Variants in PATJ observed in about 807,000 individuals in gnomAD.
The protein encoded by PATJ is inaD-like protein.
PATJ carries 190 observed loss-of-function variants against 224.9 expected under a neutral mutation model. The observed-to-expected ratio is 0.84, with a 90% CI of 0.75 to 0.95. The LOEUF is 0.95. PATJ is among the 40% of genes least tolerant of loss of function. The pLI is 0.00. For missense variants in PATJ, 2,121 were observed against 2,270.3 expected (o/e 0.93, Z 1.34); for synonymous variants, 769 against 820.3 (o/e 0.94, Z 1.07).
chr1:62,064,642 A>G (rs1656096974), intron 31 of PATJ, among the ~76,000 whole-genome samples: 1 of 152,118 alleles, frequency 6.6e-6, no homozygotes, highest in Non-Finnish European at 1.5e-5. Context: ...AAGTGTTTTT[A>G]AAGTGCTGGT....
intron 24 of PATJ, among the ~76,000 whole-genome samples, chr1:61,902,592 T>C (rs941834027): frequency 6.6e-6 from 1 of 152,216 alleles, no homozygotes; most frequent in African/African-American, 2.4e-5. Flanking sequence ...CTTGTCTGTA[T>C]ATACAAATGT....
chr1:61,766,449 C>T lies in PATJ; in HGVS notation c.360C>T (p.Asn120=), dbSNP rs758725472. The part of the protein sequence containing the change: ...WTPKLGNEDF[N]SVIQQMAQGR... ...CGAAGTTGGGAAATGAAGACTTTAA[C>T]TCAGTCATTCAACAGATGGCTCAGG... Residue 120 remains asparagine (N), a synonymous_variant, in exon 4 of 44, where the codon AAC becomes AAT. Transcript: ENST00000642238. 3 of 1,603,290 alleles carry T rather than the reference C, an allele frequency of 1.9e-6. No individual in the cohort carries two copies. The highest frequency in any genetic ancestry group is 1.7e-6 in the Non-Finnish European group (2 of 1,177,124).
intron 31 of PATJ, among the ~76,000 whole-genome samples, chr1:62,057,653 G>A (rs540755005): frequency 2.0e-5 from 3 of 152,316 alleles, no homozygotes; most frequent in South Asian, 4.1e-4. Flanking sequence ...CAATGTATGG[G>A]TTTACTAGGT....
intron 41 of PATJ, among the ~76,000 whole-genome samples, chr1:62,135,772 T>TAA (rs1666796153): frequency 6.6e-6 from 1 of 152,188 alleles, no homozygotes; most frequent in South Asian, 2.1e-4. Context: ...AAGTGTGATG[T>TAA]AAAGTGTCTA....
intron 30 of PATJ, among the ~76,000 whole-genome samples, chr1:62,049,247 A>G (rs1444323572): frequency 2.8e-5 from 4 of 143,304 alleles, no homozygotes; most frequent in African/African-American, 1.1e-4. Flanking sequence ...AAGCAATCAC[A>G]CACACACACA....
At chr1:61,879,736 GC>G (rs1243809482) in intron 21 of PATJ, among the ~76,000 whole-genome samples, 1 of 151,674 alleles carries the variant, frequency 6.6e-6, no homozygotes, top group Non-Finnish European at 1.5e-5. Context: ...TTTTCATCAA[GC>G]CTCCTCCTTT....
intron 41 of PATJ, among the ~76,000 whole-genome samples, chr1:62,130,931 T>C (rs1666199668): frequency 6.6e-6 from 1 of 152,120 alleles, no homozygotes; most frequent in African/African-American, 2.4e-5. Context: ...GTCCAAAGTG[T>C]CCAGACATTT....
At chr1:61,777,252 A>G (rs1233099321) in intron 7 of PATJ, among the ~76,000 whole-genome samples, 1 of 152,176 alleles carries the variant, frequency 6.6e-6, no homozygotes, top group Non-Finnish European at 1.5e-5. Context: ...CATAAGCATG[A>G]CATTTCCCTA....
chr1:61,806,923 G>A (rs1338843984), intron 13 of PATJ, among the ~76,000 whole-genome samples: 3 of 152,060 alleles, frequency 2.0e-5, no homozygotes, highest in South Asian at 2.1e-4. Context: ...AGGCCAAGAA[G>A]GGTGGATCAC....
chr1:61,988,168 C>T (rs898922729), intron 27 of PATJ, among the ~76,000 whole-genome samples: 1 of 152,124 alleles, frequency 6.6e-6, no homozygotes, highest in Non-Finnish European at 1.5e-5. Context: ...CACTGCACTC[C>T]AGCCTGGGTG....
intron 28 of PATJ, among the ~76,000 whole-genome samples, chr1:62,001,174 G>A (rs576874687): frequency 6.6e-6 from 1 of 150,756 alleles, no homozygotes; most frequent in African/African-American, 2.4e-5. Context: ...CTTTTGCTGT[G>A]CAGAAGCTCT....
intron 29 of PATJ, among the ~76,000 whole-genome samples, chr1:62,028,996 C>CAT (rs373687469): frequency 4.6e-5 from 7 of 152,006 alleles, no homozygotes; most frequent in East Asian, 1.9e-4. Context: ...TACATACATA[C>CAT]ACGTATACCA....
intron 14 of PATJ, among the ~76,000 whole-genome samples, chr1:61,814,130 CTTTTTTTTTTTTTTT>C (rs762502160): frequency 1.2e-5 from 1 of 85,900 alleles, no homozygotes; most frequent in Non-Finnish European, 2.1e-5. Flanking sequence ...TTATTCTCTT[CTTTTTTTTTTTTTTT>C]TTTTTTTTGA....
At chr1:61,958,773 C>T (rs1680797151) in intron 27 of PATJ, among the ~76,000 whole-genome samples, 1 of 152,114 alleles carries the variant, frequency 6.6e-6, no homozygotes, top group African/African-American at 2.4e-5. Context: ...TAGTGTGTGA[C>T]CAAGTTGTCA....
intron 41 of PATJ, among the ~76,000 whole-genome samples, chr1:62,143,099 G>A (rs1667662201): frequency 6.6e-6 from 1 of 152,098 alleles, no homozygotes; most frequent in Admixed American, 6.6e-5. Context: ...GATTTTGGAG[G>A]TAGAATCCAG....
intron 27 of PATJ, among the ~76,000 whole-genome samples, chr1:61,988,983 G>T (rs1171674926): frequency 6.6e-6 from 1 of 152,200 alleles, no homozygotes; most frequent in Non-Finnish European, 1.5e-5. Flanking sequence ...CTGATGAGAT[G>T]ATTGCTTCCA....
At chr1:62,137,541 C>T (rs763796925) in intron 41 of PATJ, among the ~76,000 whole-genome samples, 4 of 6,536 alleles carry the variant, frequency 6.1e-4, no homozygotes, top group Non-Finnish European at 6.1e-4. Context: ...GGGGGAAATG[C>T]CTCTGGAGGG....
intron 23 of PATJ, among the ~76,000 whole-genome samples, chr1:61,900,130 C>A (rs890043878): frequency 1.3e-5 from 2 of 152,146 alleles, no homozygotes; most frequent in Non-Finnish European, 2.9e-5. Context: ...ACTCACCAGT[C>A]GCTGTAGTTT....
rs924840437 is a variant in PATJ at position 61,775,450 on chromosome 1, G to A, written c.849+116G>A. The A allele has an allele frequency of 9.5e-6, 8 of 845,648 alleles. No homozygotes were observed. In the African/African-American group the frequency reaches 1.4e-4, roughly 15 times the overall value. The allele number at this position is 845,648 out of a possible 1,614,324, so 52.4% of individuals were successfully genotyped here. A position where few individuals can be genotyped will look rare whatever the true frequency, so the allele number is the denominator to read the frequency against. On this transcript the variant is annotated intron_variant, in intron 7 of 43. Transcript: ENST00000642238. ...ATATGACTTAATAACAAGAATTTAA[G>A]TATAGCTTAAAAATGATTTATTCTG...
Sources: allele counts gnomAD v4.1 joint callset (sites outside exome capture counted in the v4.1 genomes callset), GRCh38; gene constraint gnomAD v4.1.1; transcripts MANE v1.5; gene names NCBI Gene and HGNC (gene_info 2026-07-23, HGNC 2026-07-21).